Variants in CSMD3 observed in about 807,000 individuals in gnomAD.
CSMD3 encodes the protein CUB and sushi domain-containing protein 3.
CSMD3 carries 177 observed loss-of-function variants against 435.2 expected under a neutral mutation model. The ratio of observed to expected loss-of-function variants is 0.41; its 90% confidence interval spans 0.36 to 0.46. The LOEUF is 0.46. Among genes scored for constraint, CSMD3 ranks in the 20% least tolerant of loss-of-function variants. The pLI is 0.34. For missense variants in CSMD3, 4,265 were observed against 4,504.6 expected, an observed-to-expected ratio of 0.95 and a Z score of 1.52; for synonymous variants, 1,656 against 1,520.5, an observed-to-expected ratio of 1.09 and a Z score of -2.07.
At chr8:113,287,549 A>G (rs2093656029) in intron 2 of CSMD3, among the ~76,000 whole-genome samples, 1 of 151,996 alleles carries the variant, frequency 6.6e-6, no homozygotes, top group African/African-American at 2.4e-5. Flanking sequence ...AGAGCAAATG[A>G]CCTGAAGCTT....
chr8:112,492,503 A>G lies in CSMD3; in HGVS notation c.5264T>C (p.Leu1755Ser), dbSNP rs774890379. 33 of 1,613,864 alleles carry G rather than the reference A, an allele frequency of 2.0e-5. No individual in the cohort carries two copies. The highest frequency in any genetic ancestry group is 2.6e-5 in the Non-Finnish European group (31 of 1,179,778). Residue 1755 changes from leucine to serine, a missense_variant, in exon 31 of 71, where the codon TTG (leucine) becomes TCG (serine). Physicochemically the swap from Leu to Ser is moderately radical, Grantham distance 145. Coordinates refer to ENST00000297405, the MANE Select transcript of CSMD3 (RefSeq NM_198123.2). ...DDGRPGWNRA[L>S]PSCHAPCGSR... ...ATGTTCCTTACCATGACAACTTGGC[A>G]AGGCTCTATTCCATCCAGGTCTTCC...
At chr8:112,348,433 C>A (rs1220958773) in intron 40 of CSMD3, among the ~76,000 whole-genome samples, 2 of 152,138 alleles carry the variant, frequency 1.3e-5, no homozygotes, top group East Asian at 3.8e-4. Context: ...AGGCTGTAGC[C>A]TTGTTATCTG....
chr8:113,119,710 A>G (rs1376121954), intron 4 of CSMD3, among the ~76,000 whole-genome samples: 2 of 152,184 alleles, frequency 1.3e-5, no homozygotes, highest in Non-Finnish European at 2.9e-5. Context: ...TTTGAATTTG[A>G]ATAGGAAAAA....
intron 2 of CSMD3, among the ~76,000 whole-genome samples, chr8:113,301,039 C>T (rs757317883): frequency 2.0e-5 from 3 of 151,472 alleles, no homozygotes; most frequent in Non-Finnish European, 2.9e-5. Flanking sequence ...CATAATTAAA[C>T]GTGATGTTGC....
intron 59 of CSMD3, among the ~76,000 whole-genome samples, chr8:112,270,343 AGTGTGTGTGTGTGTGTGT>A (rs10577337): frequency 0.012 from 1,531 of 124,300 alleles, 35 homozygotes; most frequent in African/African-American, 0.039. Context: ...CAGAGGGGTG[AGTGTGTGTGTGTGTGTGT>A]GTGTGTGTGT....
intron 9 of CSMD3, among the ~76,000 whole-genome samples, chr8:112,946,541 G>C (rs1564135090): frequency 6.6e-6 from 1 of 151,732 alleles, no homozygotes; most frequent in East Asian, 1.9e-4. Flanking sequence ...GGATAAAATA[G>C]TAAGTGCTTA....
intron 5 of CSMD3, among the ~76,000 whole-genome samples, chr8:113,034,415 A>C (rs767583547): frequency 4.6e-5 from 7 of 151,406 alleles, no homozygotes; most frequent in Admixed American, 3.9e-4. Context: ...TAAGTGAAAG[A>C]CAACAGTCAC....
chr8:112,717,573 A>G (rs2131951772), intron 13 of CSMD3, among the ~76,000 whole-genome samples: 1 of 152,284 alleles, frequency 6.6e-6, no homozygotes, highest in Non-Finnish European at 1.5e-5. Context: ...TATATACCCA[A>G]AGGAATATAA....
At chr8:113,415,539 T>C (rs1484608161) in intron 1 of CSMD3, among the ~76,000 whole-genome samples, 8 of 152,304 alleles carry the variant, frequency 5.3e-5, no homozygotes. Flanking sequence ...GGTTTTCAGA[T>C]GCTGTAAAAA....
intron 13 of CSMD3, among the ~76,000 whole-genome samples, chr8:112,715,073 A>C (rs1251598207): frequency 6.6e-6 from 1 of 152,054 alleles, no homozygotes. Flanking sequence ...ATAATTATTC[A>C]GGGCAGAATT....
chr8:112,513,004 C>T (rs796353679), intron 28 of CSMD3, among the ~76,000 whole-genome samples: 4 of 152,258 alleles, frequency 2.6e-5, no homozygotes, highest in African/African-American at 9.6e-5. Context: ...CCATCTATGT[C>T]TTTATAGAAT....
At chr8:112,830,354 G>A (rs563971131) in intron 11 of CSMD3, among the ~76,000 whole-genome samples, 9 of 151,998 alleles carry the variant, frequency 5.9e-5, no homozygotes, top group South Asian at 2.1e-4. Flanking sequence ...TAAAATGAGC[G>A]GCAAAACTGG....
chr8:112,561,447 A>ATC (rs1162334092), intron 24 of CSMD3, among the ~76,000 whole-genome samples: 4 of 151,604 alleles, frequency 2.6e-5, no homozygotes, highest in African/African-American at 9.7e-5. Context: ...TATCTAATAT[A>ATC]TTTGTAAGTT....
intron 1 of CSMD3, among the ~76,000 whole-genome samples, chr8:113,431,264 T>C (rs765580749): frequency 6.6e-6 from 1 of 152,196 alleles, no homozygotes; most frequent in Non-Finnish European, 1.5e-5. Flanking sequence ...TTCTAAATTA[T>C]ATACTCCTTT....
intron 61 of CSMD3, 39 bp from the exon 62 acceptor site, chr8:112,255,466 G>A (rs2130281915): frequency 6.3e-7 from 1 of 1,584,792 alleles, no homozygotes; most frequent in Non-Finnish European, 8.7e-7. Flanking sequence ...CAAAGATTTA[G>A]TATACAGCAG....
chr8:112,990,294 AGTCAAC>A (rs2085406075), intron 6 of CSMD3, among the ~76,000 whole-genome samples: 1 of 151,964 alleles, frequency 6.6e-6, no homozygotes, highest in Non-Finnish European at 1.5e-5. Flanking sequence ...CTTCTATGAT[AGTCAAC>A]TATCTAGCTG....
intron 24 of CSMD3, among the ~76,000 whole-genome samples, chr8:112,557,526 C>T (rs762529207): frequency 1.3e-5 from 2 of 151,926 alleles, no homozygotes; most frequent in Non-Finnish European, 2.9e-5. Flanking sequence ...CATACATCTC[C>T]GTGGAGGGGA....
Position 112,800,287 on chromosome 8 carries a change from G to A in CSMD3, c.1860-13C>T, listed in dbSNP as rs772296220. ...GCTTCCAGTCAGCCTAAAAAGAGATGGACAAAGAAGGGAGAGATGGGTTAT... is the reference window on the plus strand; with the variant it reads ...GCTTCCAGTCAGCCTAAAAAGAGATAGACAAAGAAGGGAGAGATGGGTTAT... On this transcript the variant is annotated splice_polypyrimidine_tract_variant and intron_variant, in intron 12 of 70. Transcript: ENST00000297405. 5 of 1,505,280 alleles carry A rather than the reference G, an allele frequency of 3.3e-6. No individual in the cohort carries two copies. The South Asian group carries it at 3.4e-5, about 10-fold the overall frequency. The allele number at this position is 1,505,280 out of a possible 1,614,324, so 93.2% of individuals were successfully genotyped here. A position where few individuals can be genotyped will look rare whatever the true frequency, so the allele number is the denominator to read the frequency against.
intron 31 of CSMD3, among the ~76,000 whole-genome samples, chr8:112,487,120 T>C (rs937316362): frequency 6.6e-6 from 1 of 152,284 alleles, no homozygotes; most frequent in Non-Finnish European, 1.5e-5. Flanking sequence ...TACTCTCTAG[T>C]TTAATGATTT....
Sources: gnomAD v4.1 joint callset for allele counts (sites outside exome capture counted in the v4.1 genomes callset) on GRCh38, gnomAD v4.1.1 for gene constraint, MANE v1.5 for transcripts, NCBI Gene and HGNC (gene_info 2026-07-23, HGNC 2026-07-21) for gene names.